RASSF3: variants seen among roughly 807,000 people sequenced by gnomAD.
The protein encoded by RASSF3 is ras association domain-containing protein 3.
Under a neutral mutation model 19.9 loss-of-function variants are expected in RASSF3, and 19 were observed. The observed-to-expected ratio is 0.96, with a 90% CI of 0.67 to 1.40. RASSF3 has a LOEUF of 1.40. RASSF3 is among the 40% of genes most tolerant of loss of function. The probability of loss-of-function intolerance (pLI) is 0.00; values close to 1 mark genes in which losing one functional copy is unlikely to be tolerated. For missense variants in RASSF3, 306 were observed against 289.8 expected, an observed-to-expected ratio of 1.06 and a Z score of -0.41; for synonymous variants, 110 against 104.2, an observed-to-expected ratio of 1.06 and a Z score of -0.34.
intron 1 of RASSF3, among the ~76,000 whole-genome samples, chr12:64,672,754 C>T (rs1439609966): frequency 1.3e-5 from 2 of 152,138 alleles, no homozygotes; most frequent in Non-Finnish European, 2.9e-5. Flanking sequence ...TGGGCTCAAG[C>T]GATCCTCCTC....
At chr12:64,549,263 A>G (rs760417131) in intron 2 of RASSF3, among the ~76,000 whole-genome samples, 11 of 152,194 alleles carry the variant, frequency 7.2e-5, no homozygotes, top group Non-Finnish European at 1.3e-4. Flanking sequence ...TATAATCCCA[A>G]CACTTTGGGG....
intron 1 of RASSF3, among the ~76,000 whole-genome samples, chr12:64,623,011 G>C (rs1870840091): frequency 6.6e-6 from 1 of 151,790 alleles, no homozygotes; most frequent in African/African-American, 2.4e-5. Flanking sequence ...AGTAGAGACG[G>C]GGTTTCACCA....
At chr12:64,625,932 T>C (rs1870973910) in intron 1 of RASSF3, among the ~76,000 whole-genome samples, 1 of 152,192 alleles carries the variant, frequency 6.6e-6, no homozygotes, top group Non-Finnish European at 1.5e-5. Flanking sequence ...GTATGAGTCT[T>C]GGAACCCGGT....
At chr12:64,523,671 A>C (rs1363774967) in intron 1 of RASSF3, among the ~76,000 whole-genome samples, 1 of 152,096 alleles carries the variant, frequency 6.6e-6, no homozygotes, top group Non-Finnish European at 1.5e-5. Context: ...AGGGCAAAAA[A>C]ATGCAAGAGG....
intron 2 of RASSF3, among the ~76,000 whole-genome samples, chr12:64,603,939 C>T (rs1377464935): frequency 1.3e-5 from 2 of 152,096 alleles, no homozygotes; most frequent in East Asian, 3.8e-4. Flanking sequence ...TGTCTGCCTC[C>T]TGGGTTCAAG....
intron 2 of RASSF3, among the ~76,000 whole-genome samples, chr12:64,565,884 G>GA (rs35479688): frequency 0.61 from 77,105 of 126,462 alleles, 23,765 homozygotes; most frequent in Non-Finnish European, 0.71. Context: ...CTTCGTCTCA[G>GA]AAAAAAAAAA....
At chr12:64,560,864 G>A (rs1202858986) in intron 2 of RASSF3, among the ~76,000 whole-genome samples, 2 of 152,228 alleles carry the variant, frequency 1.3e-5, no homozygotes, top group Non-Finnish European at 2.9e-5. Flanking sequence ...AGACGGGGAA[G>A]GAAGGAGGAT....
chr12:64,621,434 T>C (rs900859276), intron 1 of RASSF3, among the ~76,000 whole-genome samples: 4 of 152,110 alleles, frequency 2.6e-5, no homozygotes, highest in African/African-American at 4.8e-5. Flanking sequence ...ACTTCAGGGT[T>C]TTTTTTGACT....
At chr12:64,552,724 G>T (rs1489557510) in intron 2 of RASSF3, among the ~76,000 whole-genome samples, 1 of 152,180 alleles carries the variant, frequency 6.6e-6, no homozygotes, top group Non-Finnish European at 1.5e-5. Context: ...TTATATGGCT[G>T]CATAGTATTC....
At chr12:64,669,366 C>A (rs1482092249) in intron 1 of RASSF3, among the ~76,000 whole-genome samples, 1 of 152,012 alleles carries the variant, frequency 6.6e-6, no homozygotes, top group Non-Finnish European at 1.5e-5. Context: ...TTCGTTTTTT[C>A]CTCAGATGTT....
chr12:64,603,880 G>T (rs1870137619), intron 2 of RASSF3, among the ~76,000 whole-genome samples: 3 of 151,654 alleles, frequency 2.0e-5, no homozygotes, highest in Admixed American at 2.0e-4. Flanking sequence ...ATGGAGTCTT[G>T]CTCTGTCGCC....
chr12:64,630,874 T>G (rs900544426), intron 1 of RASSF3, among the ~76,000 whole-genome samples: 1 of 151,916 alleles, frequency 6.6e-6, no homozygotes, highest in African/African-American at 2.4e-5. Context: ...AGATCAGGTT[T>G]AGGAGGGAAG....
chr12:64,581,026 A>C (rs1175151327), intron 2 of RASSF3, among the ~76,000 whole-genome samples: 1 of 152,008 alleles, frequency 6.6e-6, no homozygotes, highest in Non-Finnish European at 1.5e-5. Context: ...CTACTTACAC[A>C]TTTATACATC....
At chr12:64,508,611 G>A (rs574450837) in intron 1 of RASSF3, among the ~76,000 whole-genome samples, 5 of 151,248 alleles carry the variant, frequency 3.3e-5, no homozygotes, top group South Asian at 2.1e-4. Flanking sequence ...CAGACCGGGC[G>A]CGGCGGCTCA....
chr12:64,517,873 C>T (rs975626113), intron 1 of RASSF3, among the ~76,000 whole-genome samples: 5 of 152,092 alleles, frequency 3.3e-5, no homozygotes, highest in African/African-American at 9.7e-5. Flanking sequence ...CCTACTTTGG[C>T]CCCCAAAGTG....
At chr12:64,662,532 G>A (rs1872405290) in intron 1 of RASSF3, among the ~76,000 whole-genome samples, 1 of 151,924 alleles carries the variant, frequency 6.6e-6, no homozygotes, top group Non-Finnish European at 1.5e-5. Context: ...TTGTACCACT[G>A]CACTCCAGCC....
chr12:64,639,377 A>G (rs1231698367), intron 1 of RASSF3, among the ~76,000 whole-genome samples: 2 of 150,310 alleles, frequency 1.3e-5, no homozygotes, highest in South Asian at 4.2e-4. Context: ...TTTTTTTTGT[A>G]TATCTGTGCC....
chr12:64,674,331 A>AGC (rs2136209710), intron 1 of RASSF3, among the ~76,000 whole-genome samples: 1 of 152,346 alleles, frequency 6.6e-6, no homozygotes, highest in Admixed American at 6.5e-5. Flanking sequence ...AGTGAGCTCT[A>AGC]TGACCAGATC....
At chr12:64,510,137 G>A (rs546883618) in intron 1 of RASSF3, among the ~76,000 whole-genome samples, 1 of 151,728 alleles carries the variant, frequency 6.6e-6, no homozygotes, top group Non-Finnish European at 1.5e-5. Flanking sequence ...CTATCATAAT[G>A]GGATTATTTA....
Sources: gnomAD v4.1 joint callset for allele counts (sites outside exome capture counted in the v4.1 genomes callset) on GRCh38, gnomAD v4.1.1 for gene constraint, MANE v1.5 for transcripts, NCBI Gene and HGNC (gene_info 2026-07-23, HGNC 2026-07-21) for gene names.